Variants in MOK observed in about 807,000 individuals in gnomAD.
MOK encodes the protein MAPK/MAK/MRK overlapping kinase.
Under a neutral mutation model 54.2 loss-of-function variants are expected in MOK, and 59 were observed. The observed-to-expected ratio is 1.09, with a 90% confidence interval of 0.88 to 1.35. MOK has a LOEUF of 1.35. MOK is among the 40% of genes most tolerant of loss of function. The pLI, the probability that MOK is intolerant of heterozygous loss-of-function variation, is 0.00. For synonymous variants in MOK, 210 were observed against 202.7 expected, an observed-to-expected ratio of 1.04 and a Z score of -0.31; for missense variants, 517 against 526.2, an observed-to-expected ratio of 0.98 and a Z score of 0.17.
At chr14:102,299,624 C>T (rs906253952) in intron 1 of MOK, among the ~76,000 whole-genome samples, 1 of 152,118 alleles carries the variant, frequency 6.6e-6, no homozygotes, top group African/African-American at 2.4e-5. Flanking sequence ...CTTCCTTTGA[C>T]ATCCAGGCTG....
At chr14:102,239,643 G>A (rs112903491) in intron 7 of MOK, among the ~76,000 whole-genome samples, 3 of 152,284 alleles carry the variant, frequency 2.0e-5, no homozygotes, top group South Asian at 2.1e-4. Context: ...GGCCAAGCCT[G>A]GTGAATCACA....
At chr14:102,256,121 C>G (rs1372844008) in intron 4 of MOK, among the ~76,000 whole-genome samples, 1 of 150,902 alleles carries the variant, frequency 6.6e-6, no homozygotes, top group East Asian at 2.0e-4. Flanking sequence ...TTTTTTGAGA[C>G]AGGGTCTCAC....
rs1046060082 is a variant in MOK, at chr14:102,245,585, G to A, written c.590+5227C>T. Among the ~76,000 whole-genome samples, 4 of 151,516 alleles carry A rather than the reference G, an allele frequency of 2.6e-5. No homozygotes were observed. Among genetic ancestry groups the A allele is most frequent in the Non-Finnish European group, 5.9e-5 (4 of 67,900 alleles). ...CCCCCTCCGCCTGCCCCTGCCCACC[G>A]GAGAACAACCCCCTTTGACTGTAAT... On this transcript the variant is annotated intron_variant, in intron 7 of 11. Transcript: ENST00000361847. The surrounding 1 kb of genome is among the most constrained non-coding windows in gnomAD (Gnocchi z 4.3).
At chr14:102,303,454 G>C (rs1052099689) in intron 1 of MOK, among the ~76,000 whole-genome samples, 2 of 152,136 alleles carry the variant, frequency 1.3e-5, no homozygotes, top group Non-Finnish European at 2.9e-5. Flanking sequence ...AAATATCATT[G>C]TCATGAAAGA....
Position 102,249,412 on chromosome 14 carries a change from C to T in MOK, c.590+1400G>A, listed in dbSNP as rs2066354660. Reference sequence around the variant, plus strand: ...TTTATAGATTTTGGAATTGTGGGAACAAGATTTTAAACCTGTGCTGGGCGC... The same window carrying T: ...TTTATAGATTTTGGAATTGTGGGAATAAGATTTTAAACCTGTGCTGGGCGC... On this transcript the variant is annotated intron_variant, in intron 7 of 11. Coordinates refer to ENST00000361847, the MANE Select transcript of MOK (RefSeq NM_014226.3). The surrounding 1 kb of genome is among the most constrained non-coding windows in gnomAD (Gnocchi z 5.3). Among the ~76,000 whole-genome samples the T allele has an allele frequency of 6.6e-6, 1 of 152,142 alleles. No homozygotes were observed. The highest frequency in any genetic ancestry group is 1.5e-5 in the Non-Finnish European group (1 of 68,020).
At chr14:102,227,269 C>CA (rs1390920609), downstream of MOK, among the ~76,000 whole-genome samples, 1 of 152,090 alleles carries the variant, frequency 6.6e-6, no homozygotes, top group Non-Finnish European at 1.5e-5. Flanking sequence ...GGGGACAGGG[C>CA]ATGGCCCTCC....
chr14:102,252,468 C>T (rs929636367), intron 4 of MOK, among the ~76,000 whole-genome samples: 1 of 151,862 alleles, frequency 6.6e-6, no homozygotes, highest in African/African-American at 2.4e-5. Flanking sequence ...AAAAAAAAAT[C>T]TATATAATGG....
chr14:102,292,451 C>G (rs1315065893), intron 1 of MOK, among the ~76,000 whole-genome samples: 1 of 151,958 alleles, frequency 6.6e-6, no homozygotes, highest in East Asian at 1.9e-4. Flanking sequence ...CTAGCCTGGG[C>G]AACAGAGCAA....
intron 7 of MOK, among the ~76,000 whole-genome samples, chr14:102,244,944 C>T (rs2065981527): frequency 6.6e-6 from 1 of 152,060 alleles, no homozygotes; most frequent in Admixed American, 6.5e-5. Flanking sequence ...CAAACTCAGC[C>T]TCCAACTTAA....
At chr14:102,220,081 G>A (rs1597158543), downstream of MOK, among the ~76,000 whole-genome samples, 1 of 152,226 alleles carries the variant, frequency 6.6e-6, no homozygotes, top group Admixed American at 6.5e-5. This position sits in a 1 kb window ranked among gnomAD's most constrained non-coding sequence, Gnocchi z 4.2. Context: ...CTAGGGGTGC[G>A]GCTTTGTAGG....
At chr14:102,216,302 T>G in the MOK span, among the ~76,000 whole-genome samples, 20 of 152,214 alleles carry the variant, frequency 1.3e-4, no homozygotes, top group Non-Finnish European at 1.5e-5. Context: ...TTCTTAGCAC[T>G]GAACAGGGCG....
chr14:102,286,578 G>A (rs901007964), intron 1 of MOK, among the ~76,000 whole-genome samples: 3 of 151,176 alleles, frequency 2.0e-5, no homozygotes, highest in Non-Finnish European at 4.4e-5. Flanking sequence ...ACTACTATAC[G>A]CTAGCCTGGG....
rs2067651268 is a variant in MOK at position 102,263,556 on chromosome 14, C to T, written c.273G>A (p.Glu91=). The T allele has an allele frequency of 1.9e-6, 3 of 1,603,136 alleles. No homozygotes were observed. The highest frequency in any genetic ancestry group is 2.6e-6 in the Non-Finnish European group (3 of 1,174,116). The change falls in exon 4 of 12, where the codon GAG becomes GAA. Residue 91 remains glutamate (E), a synonymous_variant. Transcript: ENST00000361847. Reference sequence around the variant, plus strand: ...AATTATTCTACGTACCTCGTATTAGCTCATAAATATTCATGTCCATAAGTT... The same window carrying T: ...AATTATTCTACGTACCTCGTATTAGTTCATAAATATTCATGTCCATAAGTT... The part of the protein sequence containing the change: ...ICELMDMNIY[E]LIRGRRYPLS...
chr14:102,239,244 A>C (rs984010928), intron 7 of MOK, among the ~76,000 whole-genome samples: 10 of 152,142 alleles, frequency 6.6e-5, no homozygotes, highest in African/African-American at 1.9e-4. Context: ...CTTAACACTC[A>C]GTTGATCAAA....
intron 1 of MOK, 52 bp downstream of exon 1, chr14:102,304,910 C>CA: frequency 1.3e-6 from 2 of 1,539,370 alleles, no homozygotes; most frequent in Non-Finnish European, 1.8e-6. Context: ...CAGTCCCTCC[C>CA]TCCCCCGCCA....
At chr14:102,270,126 T>C (rs975242443) in intron 2 of MOK, among the ~76,000 whole-genome samples, 2 of 152,250 alleles carry the variant, frequency 1.3e-5, no homozygotes, top group Non-Finnish European at 2.9e-5. Flanking sequence ...GTAAGTTATC[T>C]AGAAAAGTCT....
At position 102,283,487 on chromosome 14, in the gene MOK, C is replaced by A. The variant is rs34114580; in HGVS notation, c.113G>T (p.Arg38Leu). Residue 38 changes from arginine to leucine, a missense_variant, in exon 2 of 12, where the codon CGC (arginine) becomes CTC (leucine). Transcript: ENST00000361847. ...CATCTCTGTAGCCTACCTTTCAAAGCGCTGCTTCATTTGTTTACATGCATA... is the reference window on the plus strand; with the variant it reads ...CATCTCTGTAGCCTACCTTTCAAAGAGCTGCTTCATTTGTTTACATGCATA... Reference protein sequence around the residue: ...NYYACKQMKQRFESIEQVNNL... With the variant: ...NYYACKQMKQLFESIEQVNNL... The A allele has an allele frequency of 6.2e-7, 1 of 1,609,328 alleles. No homozygotes were observed. The highest frequency in any genetic ancestry group is 8.5e-7 in the Non-Finnish European group (1 of 1,177,522).
At chr14:102,276,827 T>C (rs1375553584) in intron 2 of MOK, among the ~76,000 whole-genome samples, 2 of 151,152 alleles carry the variant, frequency 1.3e-5, no homozygotes, top group Admixed American at 6.6e-5. Context: ...AAATGAAATA[T>C]GCACCAGTAG....
In MOK at chr14:102,236,919, G is replaced by A. The variant is rs1008531350; in HGVS notation, c.591-3130C>T. On this transcript the variant is annotated intron_variant, in intron 7 of 11. Transcript: ENST00000361847. This position sits in a 1 kb window ranked among gnomAD's most constrained non-coding sequence, Gnocchi z 4.5. ...TCATACCGACTCCTGCAAGACCTCC[G>A]AGCCATCAGTCAGGCTGTCTTTCCT... is the stretch of plus-strand genomic sequence containing the variant. Among the ~76,000 whole-genome samples the A allele has an allele frequency of 6.6e-6, 1 of 152,012 alleles. No individual in the cohort carries two copies.
Sources: gnomAD v4.1 joint callset for allele counts (sites outside exome capture counted in the v4.1 genomes callset) on GRCh38, gnomAD v4.1.1 for gene constraint, Gnocchi (gnomAD v3.1) non-coding constraint, MANE v1.5 for transcripts, NCBI Gene and HGNC (gene_info 2026-07-23, HGNC 2026-07-21) for gene names.